The following ASB5 variants were observed in gnomAD, a reference collection of about 807,000 sequenced individuals.
ASB5 encodes the protein ankyrin repeat and SOCS box protein 5.
Under a neutral mutation model 42.1 loss-of-function variants are expected in ASB5, and 45 were observed. The ratio of observed to expected loss-of-function variants is 1.07; its 90% confidence interval spans 0.84 to 1.37. The LOEUF (loss-of-function observed/expected upper bound fraction) is 1.37, where lower values mean the gene tolerates loss of function less well. Ranked by LOEUF, ASB5 falls within the 40% of genes most tolerant of loss-of-function variation. ASB5 has a pLI of 0.00. For synonymous variants in ASB5, 147 were observed against 150.6 expected (o/e 0.98, Z 0.18); for missense variants, 402 against 399.8 (o/e 1.01, Z -0.05).
rs543612780 is a variant in ASB5, at chr4:176,215,389, G to C, written c.*211C>G. Reference sequence around the variant, plus strand: ...GGGTATATTGAAATAACAAAAAATAGATATTATAAATATGCTATAATCCAA... The same window carrying C: ...GGGTATATTGAAATAACAAAAAATACATATTATAAATATGCTATAATCCAA... On this transcript the variant is annotated 3_prime_UTR_variant, in exon 7 of 7. Coordinates refer to ENST00000296525, the MANE Select transcript of ASB5 (RefSeq NM_080874.4). The C allele has an allele frequency of 5.4e-6, 2 of 368,890 alleles. No homozygotes were observed. The highest frequency in any genetic ancestry group is 9.1e-5 in the East Asian group (2 of 21,996). 22.9% of individuals were successfully genotyped at this position (368,890 alleles called of 1,614,324 possible).
chr4:176,218,439 AAT>A (rs1345453393), intron 5 of ASB5, among the ~76,000 whole-genome samples: 275 of 76,062 alleles, frequency 3.6e-3, no homozygotes, highest in African/African-American at 4.8e-3. Context: ...ATGATATATA[AAT>A]ATATATATTT....
chr4:176,216,653 T>C (rs966857475), intron 6 of ASB5, among the ~76,000 whole-genome samples, 165 bp downstream of exon 6: 5 of 152,210 alleles, frequency 3.3e-5, no homozygotes, highest in African/African-American at 4.8e-5. Context: ...TCGGCTGATA[T>C]CTTCTTTATA....
chr4:176,222,382 G>A lies in ASB5; in HGVS notation c.315C>T (p.Thr105=). Residue 105 remains threonine (T), a synonymous_variant, in exon 3 of 7, where the codon ACC becomes ACT. Transcript: ENST00000296525. ...NVNAVTLDHV[T]PLHEACLGDH... is the part of the protein sequence containing the mutation. ...CTCCAAGGCAGGCTTCGTGCAATGG[G>A]GTGACATGGTCTAAGGTTACTGCAT... 2 of 1,613,722 alleles carry A rather than the reference G, an allele frequency of 1.2e-6. No individual in the cohort carries two copies. The highest frequency in any genetic ancestry group is 2.2e-5 in the South Asian group (2 of 90,914).
At chr4:176,215,874 G>A in intron 6 of ASB5, 147 bp from the exon 7 acceptor site, 1 of 580,744 alleles carries the variant, frequency 1.7e-6, no homozygotes, top group Middle Eastern at 3.7e-4. Flanking sequence ...ATTTATGTAA[G>A]CAGTTATATT....
At chr4:176,256,887 A>G (rs1300385999) in intron 1 of ASB5, among the ~76,000 whole-genome samples, 1 of 152,154 alleles carries the variant, frequency 6.6e-6, no homozygotes, top group Non-Finnish European at 1.5e-5. Flanking sequence ...CAGTGAGCCA[A>G]TATCGCACCA....
intron 1 of ASB5, among the ~76,000 whole-genome samples, chr4:176,246,064 TA>T (rs1560815453): frequency 7.3e-5 from 11 of 150,552 alleles, no homozygotes; most frequent in Middle Eastern, 3.4e-3. Flanking sequence ...ATTACACAGA[TA>T]AAAAAAAAGA....
intron 5 of ASB5, among the ~76,000 whole-genome samples, chr4:176,219,009 T>C (rs190239978): frequency 1.1e-4 from 2 of 18,102 alleles, no homozygotes; most frequent in African/African-American, 3.1e-4. Flanking sequence ...TATAAATATA[T>C]ATGTATGATA....
intron 2 of ASB5, among the ~76,000 whole-genome samples, chr4:176,222,927 A>G (rs936423120): frequency 5.8e-5 from 8 of 137,806 alleles, no homozygotes; most frequent in Admixed American, 1.5e-4. Flanking sequence ...ACAGGCGCCC[A>G]CCACAAGGCC....
At chr4:176,244,454 A>G (rs912610796) in intron 1 of ASB5, among the ~76,000 whole-genome samples, 2 of 152,214 alleles carry the variant, frequency 1.3e-5, no homozygotes, top group Admixed American at 6.5e-5. Context: ...TTCAATTGCT[A>G]TGTATGATTT....
chr4:176,222,308 C>A lies in ASB5; in HGVS notation c.384+5G>T. On this transcript the variant is annotated splice_donor_5th_base_variant and intron_variant, in intron 3 of 6. Transcript: ENST00000296525. ...TAAATGATTAATGTTTTGAAAGGTA[C>A]TTACATTAGCTCCTGCTTCCAGCAG... 6.2e-7 allele frequency: 1 copy of A among 1,601,316 alleles called. No homozygotes were observed. Among genetic ancestry groups the A allele is most frequent in the Non-Finnish European group, 8.6e-7 (1 of 1,168,370 alleles).
chr4:176,231,548 G>A (rs1349373455), intron 1 of ASB5, among the ~76,000 whole-genome samples: 2 of 151,330 alleles, frequency 1.3e-5, no homozygotes, highest in East Asian at 3.9e-4. Context: ...GTGGCCGGGG[G>A]TGGGTGGCTT....
At chr4:176,272,647 C>T (rs569379202), upstream of ASB5, among the ~76,000 whole-genome samples, 53 of 152,280 alleles carry the variant, frequency 3.5e-4, 1 homozygote, top group African/African-American at 1.3e-3. Flanking sequence ...CCTTCAGTGT[C>T]CCAGAGTACT....
chr4:176,221,700 C>T (rs1753217270), intron 3 of ASB5, 100 bp from the exon 4 acceptor site: 4 of 1,148,732 alleles, frequency 3.5e-6, no homozygotes, highest in Admixed American at 3.0e-5. Context: ...AACAGAAATA[C>T]GTAGGAAAAT....
intron 5 of ASB5, among the ~76,000 whole-genome samples, chr4:176,218,926 G>T (rs1430373296): frequency 1.8e-4 from 5 of 28,540 alleles, no homozygotes; most frequent in South Asian, 7.6e-4. Context: ...ATATTTGTAT[G>T]ATATATAAAT....
intron 1 of ASB5, among the ~76,000 whole-genome samples, chr4:176,249,847 C>T (rs1037097558): frequency 8.6e-5 from 13 of 151,954 alleles, no homozygotes; most frequent in Non-Finnish European, 1.8e-4. Flanking sequence ...GGGTGGATCA[C>T]GAGGTCAGGA....
At chr4:176,237,070 G>T (rs1309313337) in intron 1 of ASB5, among the ~76,000 whole-genome samples, 1 of 152,134 alleles carries the variant, frequency 6.6e-6, no homozygotes, top group Non-Finnish European at 1.5e-5. Flanking sequence ...CAGAGTCTAA[G>T]AGTTTGCAGT....
chr4:176,249,798 G>C (rs572996537), intron 1 of ASB5, among the ~76,000 whole-genome samples: 5 of 152,192 alleles, frequency 3.3e-5, no homozygotes, highest in South Asian at 2.1e-4. Flanking sequence ...GGGCGCGGTG[G>C]CTCACGCCTG....
intron 1 of ASB5, chr4:176,241,387 C>G (rs750050644): frequency 6.5e-5 from 78 of 1,202,448 alleles, no homozygotes; most frequent in Non-Finnish European, 8.3e-5. Flanking sequence ...TCCAAAATTA[C>G]TATTAAGGGC....
chr4:176,224,219 T>C (rs148043020), intron 2 of ASB5, among the ~76,000 whole-genome samples: 61 of 133,968 alleles, frequency 4.6e-4, no homozygotes, highest in African/African-American at 1.6e-3. Context: ...GATGTGCATT[T>C]GATTTTTTTT....
Sources: allele counts gnomAD v4.1 joint callset (sites outside exome capture counted in the v4.1 genomes callset), GRCh38; gene constraint gnomAD v4.1.1; transcripts MANE v1.5; gene names NCBI Gene and HGNC (gene_info 2026-07-23, HGNC 2026-07-21).